ARHGAP15: variants seen among roughly 807,000 people sequenced by gnomAD.
ARHGAP15 encodes Rho GTPase activating protein 15, also known as rho GTPase-activating protein 15.
Under a neutral mutation model 63.7 loss-of-function variants are expected in ARHGAP15, and 51 were observed. That is an observed-to-expected ratio of 0.80 (90% CI 0.64 to 1.01). The LOEUF (loss-of-function observed/expected upper bound fraction) is 1.01, where lower values mean the gene tolerates loss of function less well. Ranked by LOEUF, ARHGAP15 falls within the 50% of genes least tolerant of loss-of-function variation. The probability of loss-of-function intolerance (pLI) is 0.00; values close to 1 mark genes in which losing one functional copy is unlikely to be tolerated. For missense variants in ARHGAP15, 560 were observed against 564.6 expected (o/e 0.99, Z 0.08); for synonymous variants, 191 against 193.8 (o/e 0.99, Z 0.12).
intron 13 of ARHGAP15, among the ~76,000 whole-genome samples, chr2:143,722,822 A>G (rs1685121432): frequency 1.3e-5 from 2 of 152,176 alleles, no homozygotes; most frequent in Non-Finnish European, 2.9e-5. Context: ...GGCAAAGGAG[A>G]AGGAGAGACC....
chr2:143,754,608 T>A (rs1289154730), intron 13 of ARHGAP15, among the ~76,000 whole-genome samples: 1 of 152,210 alleles, frequency 6.6e-6, no homozygotes, highest in Non-Finnish European at 1.5e-5. Flanking sequence ...AAGAGAAGAA[T>A]ACAGATCTGT....
intron 6 of ARHGAP15, among the ~76,000 whole-genome samples, chr2:143,319,152 G>A (rs942328026): frequency 2.0e-5 from 3 of 151,250 alleles, no homozygotes; most frequent in Non-Finnish European, 4.4e-5. Flanking sequence ...CTCTTAGATT[G>A]ATAGCTCCAT....
chr2:143,728,039 G>A (rs1186671830), intron 13 of ARHGAP15, among the ~76,000 whole-genome samples: 1 of 152,192 alleles, frequency 6.6e-6, no homozygotes, highest in Non-Finnish European at 1.5e-5. Flanking sequence ...ATCCCAGACT[G>A]TGTTAGTTTG....
chr2:143,195,365 C>T (rs1038565094), intron 2 of ARHGAP15, among the ~76,000 whole-genome samples: 1 of 152,042 alleles, frequency 6.6e-6, no homozygotes, highest in African/African-American at 2.4e-5. Context: ...ATCTTTCTTT[C>T]GTTTATGACA....
At chr2:143,365,760 T>G (rs1183655483) in intron 6 of ARHGAP15, among the ~76,000 whole-genome samples, 3 of 152,174 alleles carry the variant, frequency 2.0e-5, no homozygotes, top group Non-Finnish European at 4.4e-5. Flanking sequence ...ATAGCAATAA[T>G]CATACCCACC....
At chr2:143,408,217 T>TCTCCCTTC (rs1159002486) in intron 6 of ARHGAP15, among the ~76,000 whole-genome samples, 1 of 149,714 alleles carries the variant, frequency 6.7e-6, no homozygotes, top group African/African-American at 2.4e-5. Flanking sequence ...TCTCTCCCTC[T>TCTCCCTTC]CTCCCTTCCT....
intron 12 of ARHGAP15, among the ~76,000 whole-genome samples, chr2:143,668,059 A>T (rs1425865843): frequency 6.6e-6 from 1 of 151,866 alleles, no homozygotes; most frequent in Non-Finnish European, 1.5e-5. Context: ...TAAAAAAAAA[A>T]GTTGAAGGAG....
intron 13 of ARHGAP15, among the ~76,000 whole-genome samples, chr2:143,736,520 C>G (rs970774505): frequency 9.9e-5 from 15 of 151,982 alleles, no homozygotes; most frequent in African/African-American, 3.1e-4. Context: ...TTTACTTACA[C>G]AAAGTGTAGA....
chr2:143,645,220 T>G (rs1680812603), intron 12 of ARHGAP15, among the ~76,000 whole-genome samples: 1 of 152,076 alleles, frequency 6.6e-6, no homozygotes. Context: ...ATCTTTAAAG[T>G]AAATGAAACC....
intron 8 of ARHGAP15, among the ~76,000 whole-genome samples, chr2:143,476,717 A>C (rs1691833544): frequency 6.6e-6 from 1 of 151,580 alleles, no homozygotes; most frequent in Non-Finnish European, 1.5e-5. Context: ...TTATAAAATA[A>C]AAACAAAGAT....
At chr2:143,310,017 A>G (rs1042148138) in intron 6 of ARHGAP15, among the ~76,000 whole-genome samples, 8 of 152,052 alleles carry the variant, frequency 5.3e-5, no homozygotes, top group Non-Finnish European at 1.0e-4. Flanking sequence ...GGCATAATAG[A>G]TAATTAACAC....
rs758787109 is a variant in ARHGAP15, at chr2:143,624,218, T to C, written c.1089T>C (p.Pro363=). 4 of 1,613,448 alleles carry C rather than the reference T, an allele frequency of 2.5e-6. No homozygotes were observed. In the Admixed American group the frequency reaches 6.7e-5, roughly 27 times the overall value. ...TGAAGATGTTTTTCCGGGAGCTGCC[T>C]GAGCCGCTCTTCCCTTACAGTTTCT... ...GALKMFFREL[P]EPLFPYSFFE... The change falls in exon 12 of 14, where the codon CCT becomes CCC. Residue 363 remains proline (P), a synonymous_variant. Coordinates refer to ENST00000295095, the MANE Select transcript of ARHGAP15 (RefSeq NM_018460.4).
At chr2:143,201,156 C>T (rs1308451776) in intron 2 of ARHGAP15, among the ~76,000 whole-genome samples, 1 of 151,346 alleles carries the variant, frequency 6.6e-6, no homozygotes, top group South Asian at 2.1e-4. Flanking sequence ...GTTGCCCAGG[C>T]TGGAGTGCAG....
intron 8 of ARHGAP15, among the ~76,000 whole-genome samples, chr2:143,475,680 AG>A (rs1265834645): frequency 6.6e-6 from 1 of 152,186 alleles, no homozygotes; most frequent in African/African-American, 2.4e-5. Flanking sequence ...GCCATGGCAA[AG>A]GGGTGAAGCC....
chr2:143,710,057 C>T (rs1380930234), intron 13 of ARHGAP15, among the ~76,000 whole-genome samples: 1 of 152,224 alleles, frequency 6.6e-6, no homozygotes, highest in East Asian at 1.9e-4. Flanking sequence ...TTTGGTCTTT[C>T]ACCCAACCAC....
intron 13 of ARHGAP15, among the ~76,000 whole-genome samples, chr2:143,726,445 A>G (rs77452457): frequency 6.6e-6 from 1 of 152,094 alleles, no homozygotes; most frequent in African/African-American, 2.4e-5. Context: ...GAAAAAAAAA[A>G]GCTTTATTTG....
chr2:143,659,249 A>AT (rs1681616643), intron 12 of ARHGAP15, among the ~76,000 whole-genome samples: 1 of 152,194 alleles, frequency 6.6e-6, no homozygotes, highest in Non-Finnish European at 1.5e-5. Flanking sequence ...GAAAAAAGGG[A>AT]TAACAATAAC....
Position 143,560,754 on chromosome 2 carries a change from C to T in ARHGAP15, c.1003+4269C>T, listed in dbSNP as rs553490936. ...TAGGAAGAAGCCTGGCATTGCCATT[C>T]TCTGTATGGCTTTATGTATCTATGT... On this transcript the variant is annotated intron_variant, in intron 11 of 13. Transcript: ENST00000295095. Among the ~76,000 whole-genome samples, 8 of 152,344 alleles carry T rather than the reference C, an allele frequency of 5.3e-5. No individual in the cohort carries two copies. The East Asian group carries it at 1.5e-3, about 29-fold the overall frequency.
intron 6 of ARHGAP15, among the ~76,000 whole-genome samples, chr2:143,348,771 A>G (rs989680731): frequency 6.6e-6 from 1 of 152,162 alleles, no homozygotes; most frequent in Non-Finnish European, 1.5e-5. Flanking sequence ...TTCAATGGTG[A>G]TAGTTTTTCC....
Sources: allele counts gnomAD v4.1 joint callset (sites outside exome capture counted in the v4.1 genomes callset), GRCh38; gene constraint gnomAD v4.1.1; transcripts MANE v1.5; gene names NCBI Gene and HGNC (gene_info 2026-07-23, HGNC 2026-07-21).